Variants in STEAP4 observed in about 807,000 individuals in gnomAD.
STEAP4 encodes STEAP4 metalloreductase.
Under a neutral mutation model 43.6 loss-of-function variants are expected in STEAP4, and 36 were observed. That is an observed-to-expected ratio of 0.83 (90% confidence interval 0.63 to 1.09). The LOEUF (loss-of-function observed/expected upper bound fraction) is 1.09, where lower values mean the gene tolerates loss of function less well. STEAP4 is among the 50% of genes least tolerant of loss of function. The pLI is 0.00. For synonymous variants in STEAP4, 191 were observed against 196.7 expected, an observed-to-expected ratio of 0.97 and a Z score of 0.24; for missense variants, 495 against 546.5, an observed-to-expected ratio of 0.91 and a Z score of 0.94.
Position 88,289,959 on chromosome 7 carries a change from T to C in STEAP4, c.-2-5688A>G, listed in dbSNP as rs1385243219. Among the ~76,000 whole-genome samples, 7 of 152,366 alleles carry C rather than the reference T, an allele frequency of 4.6e-5. No individual in the cohort carries two copies. The South Asian group carries it at 8.3e-4, about 18-fold the overall frequency. On this transcript the variant is annotated intron_variant, in intron 1 of 4. Coordinates refer to ENST00000380079, the MANE Select transcript of STEAP4 (RefSeq NM_024636.4). ...CTGAACAATGCCTTCATTATTCTAC[T>C]GTAGAACTGGTTTGTGTCACAAAAG...
At chr7:88,295,451 G>C (rs1437417794) in intron 1 of STEAP4, among the ~76,000 whole-genome samples, 2 of 152,210 alleles carry the variant, frequency 1.3e-5, no homozygotes, top group African/African-American at 4.8e-5. Context: ...CAGACTATTG[G>C]AGAGTCTGAA....
intron 4 of STEAP4, 123 bp downstream of exon 4, chr7:88,280,792 A>G (rs1392741593): frequency 2.4e-5 from 25 of 1,026,554 alleles, no homozygotes; most frequent in African/African-American, 3.3e-5. Flanking sequence ...TAAGAAATCA[A>G]ATCATTATGG....
At position 88,282,975 on chromosome 7, in the gene STEAP4, T is replaced by G; in HGVS notation, c.650A>C (p.Tyr217Ser). Reference protein sequence around the residue: ...SAVLCVFLFFYCVIRDVIYPY... With the variant: ...SAVLCVFLFFSCVIRDVIYPY... ...GTAGATTACGTCTCTTATAACACAA[T>G]AGAAAAACAAGAAGACACACAGCAC... Residue 217 changes from tyrosine to serine, a missense_variant, in exon 3 of 5, where the codon TAT (tyrosine) becomes TCT (serine). By Grantham distance (144) the Tyr-to-Ser change is moderately radical. Transcript: ENST00000380079. The G allele has an allele frequency of 7.4e-6, 12 of 1,613,262 alleles. No homozygotes were observed. Among genetic ancestry groups the G allele is most frequent in the Non-Finnish European group, 9.3e-6 (11 of 1,179,670 alleles).
Position 88,279,028 on chromosome 7 carries a change from G to T in STEAP4, c.*370C>A. On this transcript the variant is annotated 3_prime_UTR_variant, in exon 5 of 5. Coordinates refer to ENST00000380079, the MANE Select transcript of STEAP4 (RefSeq NM_024636.4). Reference sequence around the variant, plus strand: ...TTTCCTTTCACTTAACTCAGCCCTTGAGCCAGAGAAGGAAGCTGCAATACT... The same window carrying T: ...TTTCCTTTCACTTAACTCAGCCCTTTAGCCAGAGAAGGAAGCTGCAATACT... The T allele has an allele frequency of 4.6e-6, 1 of 218,290 alleles. No homozygotes were observed. The allele number at this position is 218,290 out of a possible 1,614,324, so 13.5% of individuals were successfully genotyped here.
At position 88,282,574 on chromosome 7, in the gene STEAP4, A is replaced by G. The variant is rs759360354; in HGVS notation, c.984+67T>C. 2.9e-6 allele frequency: 4 copies of G among 1,376,040 alleles called. No individual in the cohort carries two copies. In the Admixed American group the frequency reaches 6.6e-5, roughly 23 times the overall value. The allele number at this position is 1,376,040 out of a possible 1,614,324, so 85.2% of individuals were successfully genotyped here. On this transcript the variant is annotated intron_variant, in intron 3 of 4. Transcript: ENST00000380079. ...AAGAGTGACTTTCTATAATTATGAA[A>G]TGGAATATGATGTAGCAATAGTCTC...
rs1852900323 is a variant in STEAP4, at chr7:88,294,909, A to G, written c.-2-10638T>C. On this transcript the variant is annotated intron_variant, in intron 1 of 4. Coordinates refer to ENST00000380079, the MANE Select transcript of STEAP4 (RefSeq NM_024636.4). ...TATTTTTAAAAAACACACAAAGTAT[A>G]CAAATGAAGATAGATTTCTTTATGC... Among the ~76,000 whole-genome samples, 3 of 152,316 alleles carry G rather than the reference A, an allele frequency of 2.0e-5. No individual in the cohort carries two copies. The South Asian group carries it at 6.2e-4, about 32-fold the overall frequency.
rs761175567 is a variant in STEAP4 at position 88,279,413 on chromosome 7, C to T, written c.1365G>A (p.Arg455=). The change falls in exon 5 of 5, where the codon AGG becomes AGA. Residue 455 remains arginine, a synonymous_variant. Coordinates refer to ENST00000380079, the MANE Select transcript of STEAP4 (RefSeq NM_024636.4). ...AATGCTTTTTCTAGTGTTTTGAGTT[C>T]CTTTCCCAGCCCTGGCGGATCCTTG... ...TLTRIRQGWE[R]NSKH is the part of the protein sequence containing the mutation. 3 of 1,613,760 alleles carry T rather than the reference C, an allele frequency of 1.9e-6. No individual in the cohort carries two copies. Among genetic ancestry groups the T allele is most frequent in the Non-Finnish European group, 2.5e-6 (3 of 1,179,874 alleles).
chr7:88,283,687 C>T, intron 2 of STEAP4, 127 bp downstream of exon 2: 1 of 1,021,404 alleles, frequency 9.8e-7, no homozygotes, highest in Non-Finnish European at 1.4e-6. Context: ...TTATTCACAG[C>T]ACATATTAGC....
At chr7:88,293,530 C>G (rs1277737122) in intron 1 of STEAP4, among the ~76,000 whole-genome samples, 1 of 151,992 alleles carries the variant, frequency 6.6e-6, no homozygotes, top group Admixed American at 6.6e-5. Context: ...CCCAAAAACT[C>G]TTCACAAAGC....
intron 1 of STEAP4, 102 bp from the exon 2 acceptor site, chr7:88,284,373 A>G: frequency 1.2e-6 from 1 of 850,968 alleles, no homozygotes; most frequent in Non-Finnish European, 1.7e-6. Flanking sequence ...ACTTGTTGTA[A>G]TCTAATTATC....
At position 88,272,411 on chromosome 7, in the gene STEAP4, A is replaced by C. The variant is rs984423865; in HGVS notation, c.*6987T>G. 6 of 152,114 alleles carry C rather than the reference A, an allele frequency of 3.9e-5. No homozygotes were observed. The highest frequency in any genetic ancestry group is 1.4e-4 in the African/African-American group (6 of 41,402). The allele number at this position is 152,114 out of a possible 1,614,324, so 9.4% of individuals were successfully genotyped here. A position where few individuals can be genotyped will look rare whatever the true frequency, so the allele number is the denominator to read the frequency against. ...TACTACTCCATTCCCAGTATCTAAT[A>C]ATTTGATGATTTTTAACTTCCAGTA... On this transcript the variant is annotated 3_prime_UTR_variant, in exon 5 of 5. Transcript: ENST00000380079.
At chr7:88,289,374 A>C (rs1200434079) in intron 1 of STEAP4, among the ~76,000 whole-genome samples, 2 of 152,206 alleles carry the variant, frequency 1.3e-5, no homozygotes, top group Non-Finnish European at 2.9e-5. Flanking sequence ...AATGGGTTGA[A>C]AGTAAAACTC....
At chr7:88,289,785 T>C (rs1344810899) in intron 1 of STEAP4, among the ~76,000 whole-genome samples, 1 of 152,254 alleles carries the variant, frequency 6.6e-6, no homozygotes, top group East Asian at 1.9e-4. Flanking sequence ...TACCTGTAGA[T>C]GATCAGGGAA....
At position 88,274,798 on chromosome 7, in the gene STEAP4, A is replaced by G. The variant is rs554031239; in HGVS notation, c.*4600T>C. ...TGAGGGCTCCTCCTGCTTTTAGAAC[A>G]TATAGGGTAACTTCTGGATGTGGCC... On this transcript the variant is annotated 3_prime_UTR_variant, in exon 5 of 5. Transcript: ENST00000380079. 5 of 152,298 alleles carry G rather than the reference A, an allele frequency of 3.3e-5. No individual in the cohort carries two copies. Among genetic ancestry groups the G allele is most frequent in the African/African-American group, 9.6e-5 (4 of 41,564 alleles). The allele number at this position is 152,298 out of a possible 1,614,324, so 9.4% of individuals were successfully genotyped here.
chr7:88,283,049 G>T lies in STEAP4; in HGVS notation c.576C>A (p.Tyr192Ter). 1 of 1,613,618 alleles carries T rather than the reference G, an allele frequency of 6.2e-7. No homozygotes were observed. The highest frequency in any genetic ancestry group is 8.5e-7 in the Non-Finnish European group (1 of 1,179,780). Residue 192 changes from tyrosine to a stop codon, truncating the protein, a stop_gained, in exon 3 of 5, where the codon TAC becomes TAA. Coordinates refer to ENST00000380079, the MANE Select transcript of STEAP4 (RefSeq NM_024636.4). LOFTEE classifies it high-confidence loss of function. ...SLMAAKEIEK[Y>*]PLQLFPMWRF... ...TCCACATTGGAAATAGCTGCAGGGG[G>T]TACTTTTCAATTTCTTTGGCTGCCA...
chr7:88,279,594 G>C lies in STEAP4; in HGVS notation c.1184C>G (p.Thr395Arg). The C allele has an allele frequency of 6.2e-7, 1 of 1,613,786 alleles. No homozygotes were observed. The highest frequency in any genetic ancestry group is 1.1e-5 in the South Asian group (1 of 91,062). ...CCCACCGTACACCAGGGTGTGGGCT[G>C]TACACAAGATCAGGGTCAAATAACC... ...KLGYLTLILCTAHTLVYGGKR... is the reference protein window; with the variant it reads ...KLGYLTLILCRAHTLVYGGKR... Residue 395 changes from threonine (T) to arginine (R), a missense_variant, in exon 5 of 5, where the codon ACA (threonine) becomes AGA (arginine). By Grantham distance (71) the Thr-to-Arg change is moderately conservative (BLOSUM62 -1). Coordinates refer to ENST00000380079, the MANE Select transcript of STEAP4 (RefSeq NM_024636.4).
chr7:88,284,445 A>G (rs1852690003), intron 1 of STEAP4, among the ~76,000 whole-genome samples, 174 bp from the exon 2 acceptor site: 1 of 152,160 alleles, frequency 6.6e-6, no homozygotes, highest in Non-Finnish European at 1.5e-5. Context: ...TTCCCCCCAA[A>G]TTTGGAAGGA....
At chr7:88,301,265 T>C (rs563321189) in intron 1 of STEAP4, among the ~76,000 whole-genome samples, 1 of 152,184 alleles carries the variant, frequency 6.6e-6, no homozygotes, top group Non-Finnish European at 1.5e-5. Context: ...TTTAGTACTT[T>C]GGTACTGGAG....
rs756581358 is a variant in STEAP4 at position 88,278,795 on chromosome 7, G to A, written c.*603C>T. On this transcript the variant is annotated 3_prime_UTR_variant, in exon 5 of 5. Transcript: ENST00000380079. The stretch of plus-strand genomic sequence containing the variant: ...TTAATCAATTGTAAATTTTTCTTGT[G>A]TTATAAAAATAGTTCCTCTCAGTAA... 2.0e-4 allele frequency: 31 copies of A among 153,544 alleles called. No homozygotes were observed. Among genetic ancestry groups the A allele is most frequent in the Admixed American group, 3.9e-4 (6 of 15,582 alleles). The allele number at this position is 153,544 out of a possible 1,614,324, so 9.5% of individuals were successfully genotyped here.
Sources: allele counts gnomAD v4.1 joint callset (sites outside exome capture counted in the v4.1 genomes callset), GRCh38; gene constraint gnomAD v4.1.1; transcripts MANE v1.5; gene names NCBI Gene and HGNC (gene_info 2026-07-23, HGNC 2026-07-21).